SCAPER: variants seen among roughly 807,000 people sequenced by gnomAD.
SCAPER encodes S phase cyclin A-associated protein in the endoplasmic reticulum.
In SCAPER, 98 loss-of-function variants were observed where a neutral mutation model predicts 182.2. The ratio of observed to expected loss-of-function variants is 0.54; its 90% CI spans 0.46 to 0.64. The LOEUF is 0.64. SCAPER is among the 30% of genes least tolerant of loss of function. The pLI is 0.00. For missense variants in SCAPER, 1,432 were observed against 1,690.0 expected (o/e 0.85, Z 2.68); for synonymous variants, 605 against 564.6 (o/e 1.07, Z -1.01).
intron 5 of SCAPER, among the ~76,000 whole-genome samples, chr15:76,835,587 C>T: frequency 6.6e-6 from 1 of 152,160 alleles, no homozygotes; most frequent in East Asian, 1.9e-4. Flanking sequence ...TAGCTAACAT[C>T]ATACTGAATG....
intron 27 of SCAPER, among the ~76,000 whole-genome samples, chr15:76,398,672 C>T (rs1035950330): frequency 2.0e-5 from 3 of 152,218 alleles, no homozygotes; most frequent in Non-Finnish European, 2.9e-5. Context: ...GGCTAGAACA[C>T]ATTTTGTTAT....
intron 1 of SCAPER, among the ~76,000 whole-genome samples, chr15:76,902,270 T>C (rs2074829412): frequency 1.3e-5 from 2 of 152,164 alleles, no homozygotes; most frequent in Admixed American, 1.3e-4. Flanking sequence ...CTGTGTGTTC[T>C]CTCTTATAAG....
At chr15:76,734,422 A>G (rs1449097800) in intron 15 of SCAPER, among the ~76,000 whole-genome samples, 1 of 152,224 alleles carries the variant, frequency 6.6e-6, no homozygotes, top group African/African-American at 2.4e-5. Context: ...TCCATGCTGG[A>G]TGGAACAAAA....
At position 76,594,533 on chromosome 15, in the gene SCAPER, A is replaced by G. The variant is rs903421459; in HGVS notation, c.2712-20249T>C. Among the ~76,000 whole-genome samples the G allele has an allele frequency of 1.4e-4, 17 of 121,360 alleles. 2 individuals are homozygous for G. Among genetic ancestry groups the G allele is most frequent in the African/African-American group, 3.5e-4 (14 of 39,758 alleles). The allele number at this position is 121,360 out of a possible 152,430, so 79.6% of individuals were successfully genotyped here. ...CCCAAGACACATAATCATCAGATTC[A>G]CCAAGGTTGAAATGAAGGAAAACAT... On this transcript the variant is annotated intron_variant, in intron 22 of 31. Coordinates refer to ENST00000563290, the MANE Select transcript of SCAPER (RefSeq NM_020843.4).
At chr15:76,635,460 T>G (rs1044212936) in intron 21 of SCAPER, among the ~76,000 whole-genome samples, 1 of 152,210 alleles carries the variant, frequency 6.6e-6, no homozygotes, top group Non-Finnish European at 1.5e-5. Context: ...AATGTTATAA[T>G]GAAACAACAT....
At chr15:76,660,372 A>C (rs1181234998) in intron 21 of SCAPER, among the ~76,000 whole-genome samples, 2 of 152,200 alleles carry the variant, frequency 1.3e-5, no homozygotes, top group Non-Finnish European at 2.9e-5. Context: ...AGCTGCCCAA[A>C]TACCCCTGAA....
At chr15:76,375,110 C>A (rs894349271) in intron 29 of SCAPER, among the ~76,000 whole-genome samples, 6 of 147,254 alleles carry the variant, frequency 4.1e-5, no homozygotes, top group Admixed American at 7.1e-5. Context: ...CCCAACTACT[C>A]AGGAGGCTGA....
At chr15:76,735,481 T>C (rs940840488) in intron 15 of SCAPER, among the ~76,000 whole-genome samples, 4 of 151,992 alleles carry the variant, frequency 2.6e-5, no homozygotes, top group Non-Finnish European at 5.9e-5. Context: ...GCAGATTGCC[T>C]GAGCTCAGGA....
chr15:76,703,087 T>G, intron 18 of SCAPER, 85 bp from the exon 19 acceptor site: 1 of 1,404,714 alleles, frequency 7.1e-7, no homozygotes, highest in Non-Finnish European at 9.5e-7. Context: ...CCATTAAAAC[T>G]TCAAAAATAA....
chr15:76,618,469 C>T (rs1204315723), intron 22 of SCAPER, among the ~76,000 whole-genome samples: 1 of 152,098 alleles, frequency 6.6e-6, no homozygotes, highest in Non-Finnish European at 1.5e-5. Context: ...TGCTATTTTA[C>T]AGGAATTACA....
chr15:76,659,921 T>TA (rs1282159851), intron 21 of SCAPER, among the ~76,000 whole-genome samples: 1 of 152,192 alleles, frequency 6.6e-6, no homozygotes, highest in African/African-American at 2.4e-5. Context: ...TAAATCTTTC[T>TA]ACCATAAAGA....
intron 23 of SCAPER, among the ~76,000 whole-genome samples, chr15:76,571,513 G>A (rs1217171492): frequency 6.6e-6 from 1 of 152,092 alleles, no homozygotes; most frequent in Non-Finnish European, 1.5e-5. Flanking sequence ...CATGATAAGA[G>A]CGTTACTATA....
chr15:76,488,136 C>G (rs1357666086), intron 24 of SCAPER, among the ~76,000 whole-genome samples: 1 of 152,008 alleles, frequency 6.6e-6, no homozygotes, highest in Non-Finnish European at 1.5e-5. Context: ...TATATAACAG[C>G]TCAAGATAAA....
chr15:76,693,328 G>T (rs139643497), intron 20 of SCAPER, among the ~76,000 whole-genome samples: 1 of 152,120 alleles, frequency 6.6e-6, no homozygotes, highest in Admixed American at 6.6e-5. Flanking sequence ...TTAAAAAATT[G>T]AAAATAACAA....
At chr15:76,890,213 C>A (rs1452365522) in intron 1 of SCAPER, among the ~76,000 whole-genome samples, 1 of 152,138 alleles carries the variant, frequency 6.6e-6, no homozygotes, top group Non-Finnish European at 1.5e-5. Context: ...CAAGAGAAAG[C>A]AGGAAAGATC....
intron 16 of SCAPER, among the ~76,000 whole-genome samples, chr15:76,732,665 A>T (rs1288509397): frequency 6.6e-6 from 1 of 152,110 alleles, no homozygotes; most frequent in Non-Finnish European, 1.5e-5. Context: ...GAGTTTAGAG[A>T]AGACTCTACT....
intron 26 of SCAPER, among the ~76,000 whole-genome samples, chr15:76,417,975 G>A (rs1012499912): frequency 2.0e-5 from 3 of 151,990 alleles, no homozygotes; most frequent in African/African-American, 4.8e-5. Flanking sequence ...CCGAGATCGC[G>A]CCTCTGCACT....
At chr15:76,516,928 A>G (rs1287821112) in intron 23 of SCAPER, among the ~76,000 whole-genome samples, 2 of 152,224 alleles carry the variant, frequency 1.3e-5, no homozygotes, top group Admixed American at 6.5e-5. Flanking sequence ...ATCTTCACAT[A>G]TAAGTCCTCA....
intron 23 of SCAPER, among the ~76,000 whole-genome samples, chr15:76,572,940 C>CACAT (rs2047552325): frequency 2.6e-5 from 4 of 151,610 alleles, no homozygotes; most frequent in African/African-American, 7.3e-5. Context: ...CACACACACA[C>CACAT]ACACAGAGAA....
Sources: gnomAD v4.1 joint callset for allele counts (sites outside exome capture counted in the v4.1 genomes callset) on GRCh38, gnomAD v4.1.1 for gene constraint, MANE v1.5 for transcripts, NCBI Gene and HGNC (gene_info 2026-07-23, HGNC 2026-07-21) for gene names.